CACNA1C: variants seen among roughly 807,000 people sequenced by gnomAD.
CACNA1C encodes voltage-dependent L-type calcium channel subunit alpha-1C.
Under a neutral mutation model 229.0 loss-of-function variants are expected in CACNA1C, and 30 were observed. The ratio of observed to expected loss-of-function variants is 0.13; its 90% CI spans 0.10 to 0.18. The LOEUF is 0.18. Among genes scored for constraint, CACNA1C ranks in the 10% least tolerant of loss-of-function variants. The probability of loss-of-function intolerance (pLI) is 1.00; values close to 1 mark genes in which losing one functional copy is unlikely to be tolerated. For missense variants in CACNA1C, 1,658 were observed against 2,845.0 expected (o/e 0.58, Z 9.49); for synonymous variants, 1,114 against 1,132.5 (o/e 0.98, Z 0.33).
At chr12:2,156,304 G>A (rs1230042173) in intron 3 of CACNA1C, among the ~76,000 whole-genome samples, 1 of 152,124 alleles carries the variant, frequency 6.6e-6, no homozygotes, top group Non-Finnish European at 1.5e-5. Flanking sequence ...AATAAAAATA[G>A]AATAAAGTGA....
chr12:2,529,860 T>C (rs2099836705), intron 9 of CACNA1C, among the ~76,000 whole-genome samples: 1 of 152,246 alleles, frequency 6.6e-6, no homozygotes, highest in Non-Finnish European at 1.5e-5. Context: ...CAGCTAAGAA[T>C]AGCAGTCAGG....
At chr12:2,650,287 C>T (rs974363837) in intron 31 of CACNA1C, among the ~76,000 whole-genome samples, 3 of 152,158 alleles carry the variant, frequency 2.0e-5, no homozygotes, top group African/African-American at 4.8e-5. Context: ...CGGCCTCTGA[C>T]GCCTCATCAG....
At chr12:2,069,126 G>A (rs1196271274) in intron 1 of CACNA1C, among the ~76,000 whole-genome samples, 1 of 152,186 alleles carries the variant, frequency 6.6e-6, no homozygotes, top group Non-Finnish European at 1.5e-5. Context: ...GGAATGGGCT[G>A]GTATCCTGAG....
chr12:2,162,480 A>C (rs1339824096), intron 3 of CACNA1C, among the ~76,000 whole-genome samples: 2 of 152,026 alleles, frequency 1.3e-5, no homozygotes, highest in Middle Eastern at 3.2e-3. Context: ...CTTATCAGCC[A>C]CAAAACAAAA....
intron 3 of CACNA1C, among the ~76,000 whole-genome samples, chr12:2,435,719 A>C (rs979162733): frequency 2.6e-5 from 4 of 152,160 alleles, no homozygotes; most frequent in Non-Finnish European, 4.4e-5. Context: ...AGTGCCCTTC[A>C]ACTTCTACTC....
At position 2,582,832 on chromosome 12, in the gene CACNA1C, G is replaced by C; in HGVS notation, c.2114G>C (p.Gly705Ala). 6.2e-7 allele frequency: 1 copy of C among 1,613,534 alleles called. No individual in the cohort carries two copies. Among genetic ancestry groups the C allele is most frequent in the Non-Finnish European group, 8.5e-7 (1 of 1,179,732 alleles). The change falls in exon 15 of 47, where the codon GGG (glycine) becomes GCG (alanine). Residue 705 changes from glycine to alanine, a missense_variant. Physicochemically the swap from Gly to Ala is moderately conservative, Grantham distance 60. Transcript: ENST00000399655. ...SLLTVFQILT[G>A]EDWNSVMYDG... ...GAATGTGTCATTCAGATCCTGACCG[G>C]GGAGGACTGGAATTCGGTGATGTAT... is the stretch of plus-strand genomic sequence containing the variant.
intron 10 of CACNA1C, among the ~76,000 whole-genome samples, chr12:2,552,726 C>G (rs2041996591): frequency 6.6e-6 from 1 of 152,082 alleles, no homozygotes; most frequent in Admixed American, 6.5e-5. Context: ...GGGGTGCTAC[C>G]CCTCAGGGTT....
chr12:2,651,526 C>T lies in CACNA1C; in HGVS notation c.3946-114C>T. The stretch of plus-strand genomic sequence containing the variant: ...GGAGGGGGAAGTCTAGTGCAGCAAA[C>T]CCTGGCCTGCCTTCCGCCACTGCCA... On this transcript the variant is annotated intron_variant, in intron 31 of 46. Transcript: ENST00000399655. The surrounding 1 kb of genome is among the most constrained non-coding windows in gnomAD (Gnocchi z 5.4). 6.5e-7 allele frequency: 1 copy of T among 1,534,858 alleles called. No individual in the cohort carries two copies. Among genetic ancestry groups the T allele is most frequent in the East Asian group, 2.3e-5 (1 of 44,418 alleles).
intron 3 of CACNA1C, among the ~76,000 whole-genome samples, chr12:2,289,933 C>T (rs1428322201): frequency 5.9e-5 from 9 of 152,226 alleles, no homozygotes; most frequent in Admixed American, 4.6e-4. Flanking sequence ...CCTAATTCTT[C>T]TGCTTTACAC....
intron 15 of CACNA1C, among the ~76,000 whole-genome samples, chr12:2,584,033 A>G (rs964194860): frequency 6.6e-6 from 1 of 152,198 alleles, no homozygotes; most frequent in African/African-American, 2.4e-5. Context: ...CTGGCTCCAG[A>G]TGGACCCTCC....
intron 3 of CACNA1C, among the ~76,000 whole-genome samples, chr12:2,309,704 A>G (rs1187708697): frequency 6.6e-6 from 1 of 152,254 alleles, no homozygotes; most frequent in Non-Finnish European, 1.5e-5. Flanking sequence ...AAAAGTAAAT[A>G]AGAAGAAAGT....
chr12:2,345,136 G>A (rs2096974811), intron 3 of CACNA1C, among the ~76,000 whole-genome samples: 1 of 151,342 alleles, frequency 6.6e-6, no homozygotes, highest in Non-Finnish European at 1.5e-5. Context: ...AAGCTGAGCA[G>A]GGTTAGAAGG....
intron 1 of CACNA1C, among the ~76,000 whole-genome samples, chr12:2,019,534 AAAGGAAGGAAGGAAAGAAGG>A (rs1357591078): frequency 6.6e-5 from 10 of 150,414 alleles, no homozygotes; most frequent in Non-Finnish European, 8.9e-5. Flanking sequence ...GAAGGAAAAG[AAAGGAAGGAAGGAAAGAAGG>A]AAGGAAGGAA....
At chr12:2,399,809 C>G (rs2098651096) in intron 3 of CACNA1C, among the ~76,000 whole-genome samples, 1 of 152,188 alleles carries the variant, frequency 6.6e-6, no homozygotes. Context: ...CCATATCATC[C>G]CCATGGGTTT....
chr12:2,338,677 G>T (rs2154520275), intron 3 of CACNA1C, among the ~76,000 whole-genome samples: 2 of 152,316 alleles, frequency 1.3e-5, no homozygotes, highest in South Asian at 4.1e-4. Flanking sequence ...TAACTTTGGA[G>T]CAGCGAGCGA....
At chr12:2,383,233 G>A (rs1286138721) in intron 3 of CACNA1C, among the ~76,000 whole-genome samples, 1 of 152,192 alleles carries the variant, frequency 6.6e-6, no homozygotes, top group Non-Finnish European at 1.5e-5. Context: ...GAAGGCTCAG[G>A]AAAAGAAGGG....
chr12:2,204,375 G>T (rs1165962730), intron 3 of CACNA1C, among the ~76,000 whole-genome samples: 2 of 152,162 alleles, frequency 1.3e-5, no homozygotes, highest in African/African-American at 4.8e-5. Context: ...CATTGTGGAA[G>T]TCAGTGTGGC....
rs1216192065 is a variant in CACNA1C, at chr12:2,115,220, A to G, written c.50-4A>G. 3 of 1,545,158 alleles carry G rather than the reference A, an allele frequency of 1.9e-6. No individual in the cohort carries two copies. The highest frequency in any genetic ancestry group is 1.7e-6 in the Non-Finnish European group (2 of 1,144,526). ...CTGTTGTGTTCTTTTCTCTTTTGCC[A>G]CAGGTTCCAACTATGGGAGCCCACG... On this transcript the variant is annotated splice_region_variant and splice_polypyrimidine_tract_variant and intron_variant, in intron 1 of 46. Coordinates refer to ENST00000399655, the MANE Select transcript of CACNA1C (RefSeq NM_000719.7).
chr12:2,606,963 C>T, intron 25 of CACNA1C, 21 bp from the exon 26 acceptor site: 1 of 1,611,818 alleles, frequency 6.2e-7, no homozygotes, highest in South Asian at 1.1e-5. Context: ...CCAGAGTAAA[C>T]TCCTTCTCCT....
Sources: gnomAD v4.1 joint callset for allele counts (sites outside exome capture counted in the v4.1 genomes callset) on GRCh38, gnomAD v4.1.1 for gene constraint, Gnocchi (gnomAD v3.1) non-coding constraint, MANE v1.5 for transcripts, NCBI Gene and HGNC (gene_info 2026-07-23, HGNC 2026-07-21) for gene names.